RCOR1: variants seen among roughly 807,000 people sequenced by gnomAD.
RCOR1 encodes the protein REST corepressor.
In RCOR1, 12 loss-of-function variants were observed where a neutral mutation model predicts 64.0. That is an observed-to-expected ratio of 0.19 (90% CI 0.12 to 0.30). The LOEUF (loss-of-function observed/expected upper bound fraction) is 0.30. Ranked by LOEUF, RCOR1 falls within the 10% of genes least tolerant of loss-of-function variation. The pLI, the probability that RCOR1 is intolerant of heterozygous loss-of-function variation, is 1.00. For missense variants in RCOR1, 502 were observed against 621.2 expected (o/e 0.81, Z 2.04); for synonymous variants, 279 against 227.2 (o/e 1.23, Z -2.05).
chr14:102,719,113 G>A (rs2139993392), intron 8 of RCOR1, among the ~76,000 whole-genome samples: 1 of 151,984 alleles, frequency 6.6e-6, no homozygotes, highest in African/African-American at 2.4e-5. Context: ...GGCAGGGTCT[G>A]GCACTGTCAC....
intron 3 of RCOR1, among the ~76,000 whole-genome samples, chr14:102,690,035 GC>G (rs1895499975): frequency 6.7e-6 from 1 of 150,182 alleles, no homozygotes; most frequent in African/African-American, 2.5e-5. Context: ...GAGTCACCGC[GC>G]CCGGCCTGAT....
At chr14:102,659,341 C>A (rs896282532) in intron 2 of RCOR1, 1 of 875,956 alleles carries the variant, frequency 1.1e-6, no homozygotes, top group Non-Finnish European at 1.4e-6. Context: ...CATTAAGGCT[C>A]ATAAAGTCTT....
In RCOR1 at chr14:102,678,071, C is replaced by T. The variant is rs1459582887; in HGVS notation, c.362-3824C>T. The stretch of plus-strand genomic sequence containing the variant: ...AACGAAAACCAGTCAGGCGTGGCGG[C>T]GCGCGCCTGCAATCGCAGGCACTCG... On this transcript the variant is annotated intron_variant, in intron 2 of 11. Coordinates refer to ENST00000262241, the MANE Select transcript of RCOR1 (RefSeq NM_015156.4). 7.4e-3 allele frequency among the ~76,000 whole-genome samples: 1,105 copies of T among 150,290 alleles called. 2 individuals are homozygous for T. Among genetic ancestry groups the T allele is most frequent in the African/African-American group, 0.026 (1,051 of 40,952 alleles).
intron 2 of RCOR1, among the ~76,000 whole-genome samples, chr14:102,609,617 G>T (rs1053881966): frequency 4.7e-5 from 7 of 149,266 alleles, no homozygotes; most frequent in Non-Finnish European, 8.9e-5. Context: ...TTTTTTTTTT[G>T]TATTTTTTAG....
At chr14:102,595,431 G>A (rs953942246) in intron 2 of RCOR1, among the ~76,000 whole-genome samples, 3 of 152,156 alleles carry the variant, frequency 2.0e-5, no homozygotes, top group African/African-American at 7.2e-5. Context: ...GGAAGTCAAG[G>A]CTGCAGTGAG....
rs551522717 is a variant in RCOR1 at position 102,709,774 on chromosome 14, C to T, written c.780-1161C>T. 1.3e-4 allele frequency among the ~76,000 whole-genome samples: 20 copies of T among 152,288 alleles called. No homozygotes were observed. The East Asian group carries it at 3.1e-3, about 23-fold the overall frequency. Reference sequence around the variant, plus strand: ...CTTTTTCATTTCCCTAGTTTACTGTCTATATAGTAAGTCTGTTACTATAAG... The same window carrying T: ...CTTTTTCATTTCCCTAGTTTACTGTTTATATAGTAAGTCTGTTACTATAAG... On this transcript the variant is annotated intron_variant, in intron 6 of 11. Transcript: ENST00000262241.
intron 2 of RCOR1, among the ~76,000 whole-genome samples, chr14:102,594,653 TC>T (rs1349469650): frequency 6.6e-6 from 1 of 151,872 alleles, no homozygotes; most frequent in African/African-American, 2.4e-5. Context: ...TTTCCTCTTC[TC>T]CCCAATTCTT....
At chr14:102,726,220 G>A (rs1403172995) in intron 11 of RCOR1, among the ~76,000 whole-genome samples, 1 of 151,910 alleles carries the variant, frequency 6.6e-6, no homozygotes, top group Non-Finnish European at 1.5e-5. Context: ...GCGGCTACTT[G>A]AGAGGCTGAG....
chr14:102,637,925 G>A (rs145821603), intron 2 of RCOR1, among the ~76,000 whole-genome samples: 127 of 152,200 alleles, frequency 8.3e-4, no homozygotes, highest in African/African-American at 2.8e-3. Flanking sequence ...TGTACTGGAA[G>A]TAAATAATTA....
chr14:102,667,362 G>A (rs570418852), intron 2 of RCOR1, among the ~76,000 whole-genome samples: 11 of 152,020 alleles, frequency 7.2e-5, no homozygotes, highest in African/African-American at 2.7e-4. Context: ...CTAGCCGGGC[G>A]TGGTGGTGGG....
chr14:102,656,137 AT>A, intron 2 of RCOR1: 5 of 971,940 alleles, frequency 5.1e-6, no homozygotes, highest in Non-Finnish European at 6.1e-6. Context: ...AGATTTTTTT[AT>A]TTTTTTTATT....
intron 4 of RCOR1, among the ~76,000 whole-genome samples, chr14:102,705,743 G>A (rs1437966165): frequency 1.3e-5 from 2 of 152,094 alleles, no homozygotes; most frequent in African/African-American, 4.8e-5. Context: ...ACAGGTGTGA[G>A]CCACAACACC....
intron 3 of RCOR1, among the ~76,000 whole-genome samples, chr14:102,700,052 C>T (rs1300471350): frequency 6.6e-6 from 1 of 152,114 alleles, no homozygotes; most frequent in East Asian, 1.9e-4. Context: ...CGTAATCTAT[C>T]TCTTAAGAAT....
intron 2 of RCOR1, among the ~76,000 whole-genome samples, chr14:102,652,180 A>C (rs892498977): frequency 6.6e-6 from 1 of 152,148 alleles, no homozygotes; most frequent in East Asian, 1.9e-4. Flanking sequence ...TACTTGTTTT[A>C]ACTTGCTGTT....
intron 6 of RCOR1, 76 bp from the exon 7 acceptor site, chr14:102,710,859 A>G: frequency 1.0e-6 from 1 of 984,010 alleles, no homozygotes; most frequent in Non-Finnish European, 1.6e-6. Context: ...CAAAATTTTC[A>G]GTTAAATCAA....
intron 2 of RCOR1, among the ~76,000 whole-genome samples, chr14:102,614,570 A>G (rs1002154060): frequency 1.1e-4 from 16 of 152,216 alleles, no homozygotes; most frequent in African/African-American, 3.6e-4. Context: ...CCCAGACTGA[A>G]TTAAGATTTT....
At chr14:102,612,776 G>A (rs1256001978) in intron 2 of RCOR1, among the ~76,000 whole-genome samples, 1 of 151,672 alleles carries the variant, frequency 6.6e-6, no homozygotes, top group Non-Finnish European at 1.5e-5. Flanking sequence ...ATTGCTTGAT[G>A]CCAGGAGCTA....
chr14:102,651,408 C>T (rs757028331), intron 2 of RCOR1, among the ~76,000 whole-genome samples: 1 of 152,046 alleles, frequency 6.6e-6, no homozygotes, highest in Non-Finnish European at 1.5e-5. Context: ...CAAAAATTAG[C>T]TGGGCGTGGT....
intron 2 of RCOR1, among the ~76,000 whole-genome samples, chr14:102,666,342 A>G (rs947130453): frequency 2.6e-5 from 4 of 152,176 alleles, no homozygotes; most frequent in Non-Finnish European, 5.9e-5. Flanking sequence ...ATTTTGGAAT[A>G]ATTTTAGATT....
Sources: allele counts gnomAD v4.1 joint callset (sites outside exome capture counted in the v4.1 genomes callset), GRCh38; gene constraint gnomAD v4.1.1; transcripts MANE v1.5; gene names NCBI Gene and HGNC (gene_info 2026-07-23, HGNC 2026-07-21).